Variants in SOX30 observed in about 807,000 individuals in gnomAD.
SOX30 encodes the protein transcription factor SOX-30.
Under a neutral mutation model 58.6 loss-of-function variants are expected in SOX30, and 17 were observed. That is an observed-to-expected ratio of 0.29 (90% CI 0.20 to 0.44). SOX30 has a LOEUF of 0.44. Among genes scored for constraint, SOX30 ranks in the 20% least tolerant of loss-of-function variants. The probability of loss-of-function intolerance (pLI) is 1.00; values close to 1 mark genes in which losing one functional copy is unlikely to be tolerated. For missense variants in SOX30, 951 were observed against 965.8 expected, an observed-to-expected ratio of 0.98 and a Z score of 0.20; for synonymous variants, 421 against 400.2, an observed-to-expected ratio of 1.05 and a Z score of -0.62.
upstream of SOX30, among the ~76,000 whole-genome samples, chr5:157,655,018 G>A (rs1038699226): frequency 6.6e-6 from 1 of 152,038 alleles, no homozygotes; most frequent in African/African-American, 2.4e-5. Flanking sequence ...TTATGGACTC[G>A]CTCTGAATTC....
At chr5:157,631,232 C>G (rs1249111510) in intron 4 of SOX30, among the ~76,000 whole-genome samples, 2 of 151,038 alleles carry the variant, frequency 1.3e-5, no homozygotes. Flanking sequence ...TACAGGTACA[C>G]CACCACACCC....
At chr5:157,630,566 G>T (rs971517899) in intron 4 of SOX30, among the ~76,000 whole-genome samples, 1 of 151,794 alleles carries the variant, frequency 6.6e-6, no homozygotes. Context: ...TTAGCTTAGC[G>T]GTCAGAAATT....
intron 2 of SOX30, among the ~76,000 whole-genome samples, chr5:157,661,820 C>T (rs1242573143): frequency 6.6e-6 from 1 of 152,040 alleles, no homozygotes; most frequent in African/African-American, 2.4e-5. Flanking sequence ...GAGTGTTGTT[C>T]TATAATTTTC....
At chr5:157,666,478 GACACACAC>G (rs375835461) in intron 2 of SOX30, among the ~76,000 whole-genome samples, 9,414 of 132,410 alleles carry the variant, frequency 0.071, 359 homozygotes, top group East Asian at 0.11. Context: ...TAGTCCAGTA[GACACACAC>G]ACACACACAC....
chr5:157,632,167 G>A (rs1758830740), intron 4 of SOX30, among the ~76,000 whole-genome samples: 1 of 150,474 alleles, frequency 6.6e-6, no homozygotes, highest in South Asian at 2.1e-4. Context: ...CCCCATAGAA[G>A]TTTTCCAATC....
At chr5:157,666,887 G>A (rs1397108806) in intron 2 of SOX30, among the ~76,000 whole-genome samples, 1 of 152,102 alleles carries the variant, frequency 6.6e-6, no homozygotes, top group African/African-American at 2.4e-5. Context: ...TGTGTTTTCA[G>A]TAGGGACGGG....
intron 2 of SOX30, among the ~76,000 whole-genome samples, chr5:157,664,413 C>T (rs1759631128): frequency 6.6e-6 from 1 of 152,162 alleles, no homozygotes. Flanking sequence ...GAAACTGGAT[C>T]CCTTCCTTAC....
chr5:157,645,777 T>C (rs1161756974), intron 3 of SOX30, among the ~76,000 whole-genome samples: 1 of 152,018 alleles, frequency 6.6e-6, no homozygotes, highest in Non-Finnish European at 1.5e-5. Context: ...TCCCAGCAGT[T>C]TGGGAGGCCG....
chr5:157,665,925 A>C (rs1380275726), intron 2 of SOX30, among the ~76,000 whole-genome samples: 1 of 119,138 alleles, frequency 8.4e-6, no homozygotes. Context: ...TTTTTTTCTT[A>C]GATGGAGTCT....
rs753364331 is a variant in SOX30 at position 157,638,646 on chromosome 5, G to A, written c.1464C>T (p.Ser488=). ...SPSPVTLFQP[S]VSSAAQVAVQ... ...CAGCCACCTGAGCAGCACTGGAGACGCTGGGCTGGAAAAGTGTGACAGGGC... is the reference window on the plus strand; with the variant it reads ...CAGCCACCTGAGCAGCACTGGAGACACTGGGCTGGAAAAGTGTGACAGGGC... Residue 488 remains serine, a synonymous_variant, in exon 4 of 5, where the codon AGC becomes AGT. Coordinates refer to ENST00000265007, the MANE Select transcript of SOX30 (RefSeq NM_178424.2). 2 of 1,614,152 alleles carry A rather than the reference G, an allele frequency of 1.2e-6. No individual in the cohort carries two copies. Among genetic ancestry groups the A allele is most frequent in the South Asian group, 2.2e-5 (2 of 91,072 alleles).
At chr5:157,662,865 C>A (rs977536443) in intron 2 of SOX30, among the ~76,000 whole-genome samples, 1 of 152,160 alleles carries the variant, frequency 6.6e-6, no homozygotes, top group African/African-American at 2.4e-5. Context: ...TTCCTTTCTA[C>A]TGATAATAAC....
At chr5:157,662,536 A>G (rs1759595164) in intron 2 of SOX30, among the ~76,000 whole-genome samples, 2 of 152,184 alleles carry the variant, frequency 1.3e-5, no homozygotes, top group East Asian at 1.9e-4. Flanking sequence ...ACAGTCATTC[A>G]GTAGAAAATA....
Position 157,648,867 on chromosome 5 carries a change from T to C in SOX30, c.997A>G (p.Arg333Gly), listed in dbSNP as rs1759258103. The change falls in exon 2 of 5, where the codon AGA becomes GGA. Residue 333 changes from arginine to glycine, a missense_variant. This residue lies in a region of SOX30 where 60 missense variants were observed against 74.0 expected (regional missense o/e 0.81). Coordinates refer to ENST00000265007, the MANE Select transcript of SOX30 (RefSeq NM_178424.2). The part of the protein sequence containing the change: ...GIPDTPFSKD[R>G]NGHVKRPMNA... ...ATGGGTCGCTTCACATGACCATTTC[T>C]GTCCTTACTGAAGGGAGTATCTGGT... The C allele has an allele frequency of 6.2e-7, 1 of 1,611,442 alleles. No homozygotes were observed. Among genetic ancestry groups the C allele is most frequent in the Middle Eastern group, 1.7e-4 (1 of 6,060 alleles).
intron 2 of SOX30, 87 bp downstream of exon 2, chr5:157,648,570 T>C (rs1384159890): frequency 3.2e-6 from 4 of 1,252,846 alleles, no homozygotes; most frequent in Non-Finnish European, 4.4e-6. Flanking sequence ...AAATTATATA[T>C]TTTTGTCTTT....
upstream of SOX30, among the ~76,000 whole-genome samples, chr5:157,653,719 A>G (rs763451578): frequency 1.3e-5 from 2 of 152,246 alleles, no homozygotes; most frequent in Non-Finnish European, 2.9e-5. Flanking sequence ...GATTTTTGCA[A>G]TCAAGACAAG....
chr5:157,638,464 C>T lies in SOX30; in HGVS notation c.1646G>A (p.Ser549Asn), dbSNP rs1561581166. The T allele has an allele frequency of 6.2e-7, 1 of 1,614,156 alleles. No individual in the cohort carries two copies. The highest frequency in any genetic ancestry group is 8.5e-7 in the Non-Finnish European group (1 of 1,180,030). The change falls in exon 4 of 5, where the codon AGT becomes AAT. Residue 549 changes from serine (S) to asparagine (N), a missense_variant. Coordinates refer to ENST00000265007, the MANE Select transcript of SOX30 (RefSeq NM_178424.2). ...SLESANRISS[S>N]ASTAHARFAT... is the part of the protein sequence containing the mutation. ...AAATCTGGCATGGGCAGTACTTGCA[C>T]TACTTGAAATCCTGTTGGCGCTCTC... is the stretch of plus-strand genomic sequence containing the variant.
chr5:157,642,341 G>C (rs60235007), intron 3 of SOX30, among the ~76,000 whole-genome samples: 25,120 of 150,874 alleles, frequency 0.17, 2,433 homozygotes, highest in African/African-American at 0.27. Context: ...GAAGAAGCTT[G>C]ATTGAGAGCC....
At chr5:157,640,372 C>T (rs1386781270) in intron 3 of SOX30, among the ~76,000 whole-genome samples, 1 of 152,152 alleles carries the variant, frequency 6.6e-6, no homozygotes, top group Non-Finnish European at 1.5e-5. Flanking sequence ...AGGATGCTGG[C>T]ATAACTGGCA....
chr5:157,658,557 A>T (rs984729696), intron 2 of SOX30, among the ~76,000 whole-genome samples: 1 of 152,210 alleles, frequency 6.6e-6, no homozygotes, highest in African/African-American at 2.4e-5. Flanking sequence ...ACTCGGAGTT[A>T]TGAATTGCCC....
Sources: gnomAD v4.1 joint callset for allele counts (sites outside exome capture counted in the v4.1 genomes callset) on GRCh38, gnomAD v4.1.1 for gene constraint, gnomAD v4.1.1 regional missense constraint, MANE v1.5 for transcripts, NCBI Gene and HGNC (gene_info 2026-07-23, HGNC 2026-07-21) for gene names.